The following RBPJ variants were observed in gnomAD, a reference collection of about 807,000 sequenced individuals.
RBPJ encodes recombination signal binding protein for immunoglobulin kappa J region, also known as recombining binding protein suppressor of hairless.
Under a neutral mutation model 67.8 loss-of-function variants are expected in RBPJ, and 9 were observed. That is an observed-to-expected ratio of 0.13 (90% CI 0.08 to 0.23). The LOEUF (loss-of-function observed/expected upper bound fraction) is 0.23, where lower values mean the gene tolerates loss of function less well. Ranked by LOEUF, RBPJ falls within the 10% of genes least tolerant of loss-of-function variation. RBPJ has a pLI of 1.00. For missense variants in RBPJ, 305 were observed against 595.6 expected (o/e 0.51, Z 5.08); for synonymous variants, 198 against 203.3 (o/e 0.97, Z 0.22).
intron 1 of RBPJ, among the ~76,000 whole-genome samples, chr4:26,222,083 T>C (rs1371709910): frequency 6.6e-6 from 1 of 152,212 alleles, no homozygotes; most frequent in African/African-American, 2.4e-5. Flanking sequence ...CAACCTTGTT[T>C]TGATGACACT....
At chr4:26,278,898 G>C (rs1025416892) in intron 1 of RBPJ, among the ~76,000 whole-genome samples, 36 of 152,198 alleles carry the variant, frequency 2.4e-4, no homozygotes, top group African/African-American at 8.7e-4. Flanking sequence ...TTGGCTATGG[G>C]ATGGATATAT....
chr4:26,198,853 A>G (rs1182788816), intron 1 of RBPJ, among the ~76,000 whole-genome samples: 1 of 152,208 alleles, frequency 6.6e-6, no homozygotes, highest in Non-Finnish European at 1.5e-5. Context: ...ACTTTTTGCT[A>G]AGTCTCACAG....
intron 1 of RBPJ, among the ~76,000 whole-genome samples, chr4:26,196,507 A>C (rs1391422514): frequency 6.6e-6 from 1 of 152,170 alleles, no homozygotes; most frequent in Non-Finnish European, 1.5e-5. Context: ...AAAATGCTTC[A>C]AATGTTTTAT....
At chr4:26,296,935 T>C (rs1158794863) in intron 1 of RBPJ, among the ~76,000 whole-genome samples, 1 of 152,198 alleles carries the variant, frequency 6.6e-6, no homozygotes. Context: ...TTTTCTTTCC[T>C]AGACAAGTGG....
chr4:26,206,851 T>C (rs948977537), intron 1 of RBPJ, among the ~76,000 whole-genome samples: 9 of 152,158 alleles, frequency 5.9e-5, no homozygotes, highest in African/African-American at 2.2e-4. Flanking sequence ...TTGGTCTTTT[T>C]TTTTCTGAAT....
At chr4:26,360,747 A>C (rs1727963844) in intron 1 of RBPJ, among the ~76,000 whole-genome samples, 1 of 151,500 alleles carries the variant, frequency 6.6e-6, no homozygotes, top group African/African-American at 2.4e-5. Context: ...ATGACCAGCT[A>C]ATGTTTGGGT....
At chr4:26,310,345 A>G (rs1475494372) in intron 1 of RBPJ, among the ~76,000 whole-genome samples, 2 of 152,216 alleles carry the variant, frequency 1.3e-5, no homozygotes, top group African/African-American at 2.4e-5. Flanking sequence ...TGTTATGAAT[A>G]TAAGAGAACC....
intron 1 of RBPJ, among the ~76,000 whole-genome samples, chr4:26,251,906 A>G (rs1472251361): frequency 6.6e-6 from 1 of 151,744 alleles, no homozygotes; most frequent in Admixed American, 6.6e-5. Context: ...CTCAGCCGCA[A>G]TGGAAAAGTC....
chr4:26,297,677 G>A (rs1012962907), intron 1 of RBPJ, among the ~76,000 whole-genome samples: 1 of 151,602 alleles, frequency 6.6e-6, no homozygotes, highest in East Asian at 1.9e-4. Flanking sequence ...GAAACCAGAT[G>A]CAAGAAAATT....
chr4:26,218,894 C>T (rs1030204794), intron 1 of RBPJ, among the ~76,000 whole-genome samples: 2 of 152,088 alleles, frequency 1.3e-5, no homozygotes, highest in Non-Finnish European at 2.9e-5. Flanking sequence ...AATTGATTAC[C>T]CTGCCTCTCA....
chr4:26,319,850 A>C (rs747641063), upstream of RBPJ: 2 of 1,595,690 alleles, frequency 1.3e-6, no homozygotes, highest in East Asian at 4.5e-5. Context: ...ATCTCTAGGA[A>C]AGGAAAGAGC....
At chr4:26,352,754 C>T (rs905838038) in intron 1 of RBPJ, among the ~76,000 whole-genome samples, 24 of 152,166 alleles carry the variant, frequency 1.6e-4, no homozygotes, top group Non-Finnish European at 2.8e-4. Flanking sequence ...CTATCCGTGG[C>T]GTTCTGGTAG....
At chr4:26,218,932 G>C (rs6852561) in intron 1 of RBPJ, among the ~76,000 whole-genome samples, 18,440 of 152,130 alleles carry the variant, frequency 0.12, 2,014 homozygotes, top group African/African-American at 0.29. Context: ...CAGAGCTCCT[G>C]CAAGAGACAC....
chr4:26,244,963 C>T (rs375179760), intron 1 of RBPJ, among the ~76,000 whole-genome samples: 9 of 151,134 alleles, frequency 6.0e-5, no homozygotes, highest in Admixed American at 2.0e-4. Flanking sequence ...ATTTTAAATG[C>T]CGATTGTTAT....
Position 26,184,361 on chromosome 4 carries a change from A to G in RBPJ, c.-167+20747A>G, listed in dbSNP as rs142161073. ...GCTCCGACTGTAACAGCAAGCAGGG[A>G]TTGACAGCCAGGGAGCAGGGTGGGG... On this transcript the variant is annotated intron_variant, in intron 1 of 4. Coordinates refer to the RBPJ transcript ENST00000512351. 7.8e-3 allele frequency among the ~76,000 whole-genome samples: 1,183 copies of G among 152,074 alleles called. 34 individuals carry two copies. Among genetic ancestry groups the G allele is most frequent in the Admixed American group, 0.057 (865 of 15,250 alleles).
intron 1 of RBPJ, among the ~76,000 whole-genome samples, chr4:26,211,530 T>C (rs1298804844): frequency 6.6e-6 from 1 of 152,196 alleles, no homozygotes; most frequent in East Asian, 1.9e-4. Context: ...GTAAATTCAG[T>C]AGTTTTTAAT....
chr4:26,227,507 AG>A (rs753503906), intron 1 of RBPJ, among the ~76,000 whole-genome samples: 28 of 152,328 alleles, frequency 1.8e-4, no homozygotes, highest in Admixed American at 4.6e-4. Flanking sequence ...TCTAGGGAAA[AG>A]GGCCCAAGAT....
intron 1 of RBPJ, among the ~76,000 whole-genome samples, chr4:26,269,445 AG>A (rs1205169709): frequency 6.6e-6 from 1 of 151,874 alleles, no homozygotes; most frequent in African/African-American, 2.4e-5. Context: ...TAGTAGAGAC[AG>A]GGTTTCACCA....
intron 2 of RBPJ, among the ~76,000 whole-genome samples, chr4:26,396,389 C>T (rs767641659): frequency 3.3e-5 from 5 of 152,132 alleles, no homozygotes; most frequent in Admixed American, 6.5e-5. Context: ...AGAGACTATG[C>T]GGTCTGATCC....
Sources: allele counts gnomAD v4.1 joint callset (sites outside exome capture counted in the v4.1 genomes callset), GRCh38; gene constraint gnomAD v4.1.1; transcripts MANE v1.5; gene names NCBI Gene and HGNC (gene_info 2026-07-23, HGNC 2026-07-21).